The following GRIP1 variants were observed in gnomAD, a reference collection of about 807,000 sequenced individuals.
GRIP1 encodes glutamate receptor interacting protein 1.
Under a neutral mutation model 129.9 loss-of-function variants are expected in GRIP1, and 45 were observed. The ratio of observed to expected loss-of-function variants is 0.35; its 90% CI spans 0.27 to 0.44. GRIP1 has a LOEUF of 0.44. GRIP1 is among the 20% of genes least tolerant of loss of function. The pLI, the probability that GRIP1 is intolerant of heterozygous loss-of-function variation, is 1.00. For synonymous variants in GRIP1, 530 were observed against 520.8 expected, an observed-to-expected ratio of 1.02 and a Z score of -0.24; for missense variants, 1,196 against 1,396.8, an observed-to-expected ratio of 0.86 and a Z score of 2.29.
At chr12:67,037,180 T>C (rs2043109050) in intron 1 of GRIP1, among the ~76,000 whole-genome samples, 1 of 151,698 alleles carries the variant, frequency 6.6e-6, no homozygotes, top group Non-Finnish European at 1.5e-5. Context: ...TACAAAAAAT[T>C]AGCAGGGCGT....
chr12:67,044,202 G>A (rs761482627), intron 1 of GRIP1, among the ~76,000 whole-genome samples: 4 of 152,086 alleles, frequency 2.6e-5, no homozygotes, highest in Non-Finnish European at 5.9e-5. Context: ...GAGGAGTAGG[G>A]GCATTTCTTC....
intron 1 of GRIP1, among the ~76,000 whole-genome samples, chr12:66,940,218 G>A (rs2041562235): frequency 1.3e-5 from 2 of 152,078 alleles, no homozygotes; most frequent in South Asian, 4.2e-4. Flanking sequence ...TAACAGAAAT[G>A]AAGATACACA....
At chr12:66,752,631 T>C (rs1226793549) in intron 1 of GRIP1, among the ~76,000 whole-genome samples, 1 of 152,180 alleles carries the variant, frequency 6.6e-6, no homozygotes, top group Non-Finnish European at 1.5e-5. Flanking sequence ...CAGTATGAAC[T>C]GAATTATTTA....
At chr12:66,382,035 G>A (rs1202766106) in intron 19 of GRIP1, among the ~76,000 whole-genome samples, 1 of 152,114 alleles carries the variant, frequency 6.6e-6, no homozygotes, top group South Asian at 2.1e-4. Flanking sequence ...AGACCAGCCT[G>A]GGCAATAATC....
chr12:66,886,968 T>C (rs2040575878), intron 1 of GRIP1, among the ~76,000 whole-genome samples: 1 of 152,220 alleles, frequency 6.6e-6, no homozygotes, highest in African/African-American at 2.4e-5. Context: ...ACGAGAGGTC[T>C]ATGTCTCCAT....
intron 1 of GRIP1, among the ~76,000 whole-genome samples, chr12:66,772,466 G>A (rs1418826451): frequency 6.6e-6 from 1 of 152,228 alleles, no homozygotes; most frequent in Non-Finnish European, 1.5e-5. Flanking sequence ...CCCTGATTGA[G>A]AACATCAATC....
At chr12:66,913,794 TA>T (rs2041072120) in intron 1 of GRIP1, among the ~76,000 whole-genome samples, 1 of 152,166 alleles carries the variant, frequency 6.6e-6, no homozygotes, top group South Asian at 2.1e-4. Flanking sequence ...GCTTCTAACT[TA>T]AGATAAATGA....
chr12:66,646,843 T>C (rs114822303), intron 1 of GRIP1, among the ~76,000 whole-genome samples: 1,957 of 152,036 alleles, frequency 0.013, 47 homozygotes, highest in African/African-American at 0.045. Flanking sequence ...CTGAAAGGAG[T>C]AGAATTCAGG....
chr12:66,785,181 AG>A (rs1481599819), intron 1 of GRIP1, among the ~76,000 whole-genome samples: 3 of 151,574 alleles, frequency 2.0e-5, no homozygotes, highest in African/African-American at 7.3e-5. Flanking sequence ...GTTGAGGGCC[AG>A]GCATGGTGGC....
chr12:66,462,862 T>C, intron 9 of GRIP1, 62 bp downstream of exon 9: 1 of 1,241,648 alleles, frequency 8.1e-7, no homozygotes, highest in Non-Finnish European at 1.2e-6. Context: ...TGTCTAACTC[T>C]GCTAGAGGGA....
rs758548597 is a variant in GRIP1 at position 66,379,294 on chromosome 12, C to T, written c.2607G>A (p.Arg869=). ...DVGLSYEDWD[R]STASGFAGAA... ...GAAAACCTTACCCACTGGCTGTGGA[C>T]CGGTCCCAGTCTTCATAACTCAGCC... is the stretch of plus-strand genomic sequence containing the variant. Residue 869 remains arginine, a synonymous_variant, in exon 20 of 25, where the codon CGG becomes CGA. Coordinates refer to ENST00000359742, the MANE Select transcript of GRIP1 (RefSeq NM_001366722.1). 5.6e-6 allele frequency: 9 copies of T among 1,613,740 alleles called. No individual in the cohort carries two copies. The African/African-American group carries it at 8.0e-5, about 14-fold the overall frequency.
intron 1 of GRIP1, among the ~76,000 whole-genome samples, chr12:66,837,081 C>T (rs1407969630): frequency 2.0e-5 from 3 of 152,190 alleles, no homozygotes; most frequent in Non-Finnish European, 2.9e-5. Context: ...CAGGATCTGT[C>T]ATTTCTATTT....
At chr12:66,810,203 A>G (rs2039076373) in intron 1 of GRIP1, among the ~76,000 whole-genome samples, 1 of 152,192 alleles carries the variant, frequency 6.6e-6, no homozygotes, top group Non-Finnish European at 1.5e-5. Context: ...AAAATACTTC[A>G]TGTCTGTATA....
intron 1 of GRIP1, among the ~76,000 whole-genome samples, chr12:66,850,826 G>C (rs1257571618): frequency 6.6e-6 from 1 of 151,686 alleles, no homozygotes; most frequent in Non-Finnish European, 1.5e-5. Context: ...TGATAGATTA[G>C]TTTGTTCTCA....
Position 66,849,427 on chromosome 12 carries a change from T to C in GRIP1, c.58+219623A>G, listed in dbSNP as rs183439025. On this transcript the variant is annotated intron_variant, in intron 1 of 1. Transcript: ENST00000643019. ...GCAATCCATGTTATTTTTCACTACC[T>C]AATGATACTGCAAATTCTGTTAGAT... 3.2e-3 allele frequency among the ~76,000 whole-genome samples: 491 copies of C among 152,278 alleles called. 3 individuals are homozygous for C. The highest frequency in any genetic ancestry group is 0.011 in the African/African-American group (472 of 41,562).
At chr12:66,602,628 A>T (rs1216895552) in intron 1 of GRIP1, among the ~76,000 whole-genome samples, 3 of 152,108 alleles carry the variant, frequency 2.0e-5, no homozygotes, top group Non-Finnish European at 4.4e-5. Context: ...TTAGGGAATG[A>T]TCTGAGCTTG....
At chr12:66,832,737 T>C (rs2137022312) in intron 1 of GRIP1, among the ~76,000 whole-genome samples, 1 of 152,238 alleles carries the variant, frequency 6.6e-6, no homozygotes, top group Non-Finnish European at 1.5e-5. Context: ...AGGCAAATCT[T>C]TAAAAATGGA....
chr12:67,068,866 C>CCT (rs2043683165), intron 1 of GRIP1, among the ~76,000 whole-genome samples: 1 of 97,472 alleles, frequency 1.0e-5, no homozygotes, highest in Non-Finnish European at 2.3e-5. Context: ...CCCCCCCCCC[C>CCT]CCGCAAAAAA....
intron 1 of GRIP1, among the ~76,000 whole-genome samples, chr12:66,821,448 G>A (rs563564450): frequency 1.3e-5 from 2 of 152,010 alleles, no homozygotes; most frequent in East Asian, 1.9e-4. Flanking sequence ...ATGCATAATC[G>A]TGGTTTCCCC....
Sources: allele counts gnomAD v4.1 joint callset (sites outside exome capture counted in the v4.1 genomes callset), GRCh38; gene constraint gnomAD v4.1.1; transcripts MANE v1.5; gene names NCBI Gene and HGNC (gene_info 2026-07-23, HGNC 2026-07-21).